ABCB1: variants seen among roughly 807,000 people sequenced by gnomAD.
The protein encoded by ABCB1 is ATP-dependent translocase ABCB1.
In ABCB1, 69 loss-of-function variants were observed where a neutral mutation model predicts 142.0. That is an observed-to-expected ratio of 0.49 (90% confidence interval 0.40 to 0.59). The LOEUF is 0.59. ABCB1 is among the 20% of genes least tolerant of loss of function. The probability of loss-of-function intolerance (pLI) is 0.00; values close to 1 mark genes in which losing one functional copy is unlikely to be tolerated. For missense variants in ABCB1, 1,326 were observed against 1,554.7 expected, an observed-to-expected ratio of 0.85 and a Z score of 2.47; for synonymous variants, 532 against 539.2, an observed-to-expected ratio of 0.99 and a Z score of 0.18.
intron 1 of ABCB1, among the ~76,000 whole-genome samples, chr7:87,694,894 T>G (rs1009211617): frequency 6.6e-6 from 1 of 152,146 alleles, no homozygotes; most frequent in Non-Finnish European, 1.5e-5. Flanking sequence ...AAATTAAGAG[T>G]TGACTAATTG....
intron 1 of ABCB1, among the ~76,000 whole-genome samples, chr7:87,668,548 A>G (rs1825503069): frequency 6.6e-6 from 1 of 151,308 alleles, no homozygotes; most frequent in South Asian, 2.1e-4. Flanking sequence ...TTCTTGCCTA[A>G]TTCTTTCAGT....
At chr7:87,543,305 T>C (rs1262019078) in intron 17 of ABCB1, among the ~76,000 whole-genome samples, 1 of 151,986 alleles carries the variant, frequency 6.6e-6, no homozygotes, top group Non-Finnish European at 1.5e-5. Flanking sequence ...ATAATAACAA[T>C]TCTTGAATAA....
At chr7:87,517,613 C>A (rs1815310259) in intron 23 of ABCB1, among the ~76,000 whole-genome samples, 1 of 152,182 alleles carries the variant, frequency 6.6e-6, no homozygotes. Context: ...CTGGTTGTTA[C>A]ACAGCATTAT....
chr7:87,637,924 C>G (rs1286354719), intron 1 of ABCB1, among the ~76,000 whole-genome samples: 1 of 151,888 alleles, frequency 6.6e-6, no homozygotes, highest in Non-Finnish European at 1.5e-5. Context: ...GCTAGGACCA[C>G]TAATGCAGTG....
intron 7 of ABCB1, chr7:87,563,460 T>C (rs1474141791): frequency 7.1e-6 from 3 of 421,506 alleles, no homozygotes; most frequent in Non-Finnish European, 1.4e-5. Context: ...AAAAAGCTTA[T>C]CTACCATGAT....
chr7:87,579,829 T>G (rs1381656644), intron 4 of ABCB1, among the ~76,000 whole-genome samples: 2 of 152,190 alleles, frequency 1.3e-5, no homozygotes, highest in African/African-American at 2.4e-5. Flanking sequence ...GTTATTTTAT[T>G]TGAGGTTACC....
At chr7:87,659,154 CCT>C (rs1824438764) in intron 1 of ABCB1, 1 of 397,004 alleles carries the variant, frequency 2.5e-6, no homozygotes, top group Non-Finnish European at 4.9e-6. Flanking sequence ...AGAATGAGAC[CCT>C]GTCTCAAAAC....
intron 1 of ABCB1, among the ~76,000 whole-genome samples, chr7:87,633,363 A>G (rs1821416741): frequency 1.3e-5 from 2 of 152,212 alleles, no homozygotes; most frequent in South Asian, 4.1e-4. Flanking sequence ...CTATACATAG[A>G]ATAATGTAAT....
intron 1 of ABCB1, among the ~76,000 whole-genome samples, chr7:87,672,870 T>C (rs1324227318): frequency 1.3e-5 from 2 of 152,188 alleles, no homozygotes; most frequent in Non-Finnish European, 2.9e-5. Context: ...TCATTCTCCA[T>C]GGGTCAAGTT....
At position 87,691,554 on chromosome 7, in the gene ABCB1, C is replaced by G. The variant is rs1563137392; in HGVS notation, c.-331+21607G>C. On this transcript the variant is annotated intron_variant, in intron 1 of 28. Coordinates refer to the ABCB1 transcript ENST00000265724. ...ATTTTATAACAAAAGGTTTTGTTTC[C>G]ATCTCAAATAAGAACCCCTTCTACA... Among the ~76,000 whole-genome samples, 3 of 152,056 alleles carry G rather than the reference C, an allele frequency of 2.0e-5. No homozygotes were observed. The South Asian group carries it at 6.2e-4, about 32-fold the overall frequency.
intron 1 of ABCB1, among the ~76,000 whole-genome samples, chr7:87,688,866 T>C (rs1247755736): frequency 6.6e-6 from 1 of 152,008 alleles, no homozygotes; most frequent in Admixed American, 6.6e-5. Flanking sequence ...TGTATTTGTA[T>C]TTATTTATAA....
chr7:87,576,677 A>G (rs1321987885), intron 4 of ABCB1, among the ~76,000 whole-genome samples: 1 of 151,692 alleles, frequency 6.6e-6, no homozygotes, highest in Non-Finnish European at 1.5e-5. Context: ...CAGAGGATTT[A>G]ACATCACATT....
At chr7:87,651,033 C>A in intron 1 of ABCB1, 1 of 688,334 alleles carries the variant, frequency 1.5e-6, no homozygotes, top group Non-Finnish European at 2.5e-6. Context: ...CTTAGATAGC[C>A]AACATTCTAT....
At chr7:87,532,721 G>GCTGCT (rs1405668915) in intron 20 of ABCB1, among the ~76,000 whole-genome samples, 1 of 152,134 alleles carries the variant, frequency 6.6e-6, no homozygotes, top group South Asian at 2.1e-4. Context: ...AGCATCCCAT[G>GCTGCT]CTGCTGTTCT....
At chr7:87,550,903 C>A in intron 9 of ABCB1, 65 bp from the exon 10 acceptor site, 2 of 979,068 alleles carry the variant, frequency 2.0e-6, no homozygotes, top group Non-Finnish European at 3.3e-6. Flanking sequence ...TTTCATACTT[C>A]TTCTGTCTTT....
intron 1 of ABCB1, chr7:87,628,582 T>TGC (rs1171488303): frequency 3.7e-6 from 1 of 270,804 alleles, no homozygotes; most frequent in Admixed American, 7.3e-5. Context: ...GGTGCGTGCG[T>TGC]GCGTGTGTGT....
intron 1 of ABCB1, among the ~76,000 whole-genome samples, chr7:87,611,312 T>C (rs1819842354): frequency 6.6e-6 from 1 of 152,186 alleles, no homozygotes; most frequent in Non-Finnish European, 1.5e-5. Flanking sequence ...AGGTTTGGGC[T>C]TCTATTGATC....
intron 3 of ABCB1, among the ~76,000 whole-genome samples, chr7:87,590,000 T>TG (rs1461913604): frequency 6.6e-6 from 1 of 152,170 alleles, no homozygotes; most frequent in Non-Finnish European, 1.5e-5. Context: ...TAGAAGGTAC[T>TG]GACAGGAGAG....
chr7:87,582,166 G>C (rs965410358), intron 4 of ABCB1, among the ~76,000 whole-genome samples: 10 of 152,132 alleles, frequency 6.6e-5, no homozygotes, highest in African/African-American at 2.4e-5. Context: ...ATGGTGAGGG[G>C]AGTGGAAATA....
Sources: gnomAD v4.1 joint callset for allele counts (sites outside exome capture counted in the v4.1 genomes callset) on GRCh38, gnomAD v4.1.1 for gene constraint, MANE v1.5 for transcripts, NCBI Gene and HGNC (gene_info 2026-07-23, HGNC 2026-07-21) for gene names.